OSBPL10: variants seen among roughly 807,000 people sequenced by gnomAD.
OSBPL10 encodes oxysterol binding protein like 10.
Under a neutral mutation model 81.7 loss-of-function variants are expected in OSBPL10, and 49 were observed. The ratio of observed to expected loss-of-function variants is 0.60; its 90% CI spans 0.48 to 0.76. The LOEUF is 0.76. Ranked by LOEUF, OSBPL10 falls within the 30% of genes least tolerant of loss-of-function variation. The pLI, the probability that OSBPL10 is intolerant of heterozygous loss-of-function variation, is 0.00. For synonymous variants in OSBPL10, 419 were observed against 383.6 expected, an observed-to-expected ratio of 1.09 and a Z score of -1.08; for missense variants, 923 against 987.8, an observed-to-expected ratio of 0.93 and a Z score of 0.88.
chr3:31,813,815 TG>T (rs1699769655), intron 4 of OSBPL10, among the ~76,000 whole-genome samples: 1 of 152,106 alleles, frequency 6.6e-6, no homozygotes, highest in Admixed American at 6.5e-5. Flanking sequence ...ATCTGTACAG[TG>T]GGGATGAAAT....
At chr3:31,793,947 A>T (rs1699107151) in intron 4 of OSBPL10, among the ~76,000 whole-genome samples, 1 of 152,224 alleles carries the variant, frequency 6.6e-6, no homozygotes, top group African/African-American at 2.4e-5. Context: ...ATTAGGCTTT[A>T]GAAGTAATCT....
At chr3:32,026,027 G>GATAA (rs1559551392) in intron 2 of OSBPL10, among the ~76,000 whole-genome samples, 7 of 122,416 alleles carry the variant, frequency 5.7e-5, no homozygotes, top group African/African-American at 2.3e-4. Flanking sequence ...TAGATAGATA[G>GATAA]ATAGATAGAT....
chr3:31,968,511 G>GAA (rs10712976), intron 1 of OSBPL10, among the ~76,000 whole-genome samples: 7 of 130,560 alleles, frequency 5.4e-5, no homozygotes, highest in Admixed American at 7.7e-5. Context: ...TTTTGAAGGG[G>GAA]AAAAAAAAAA....
chr3:31,983,295 C>T (rs994131251), upstream of OSBPL10, among the ~76,000 whole-genome samples: 2 of 152,152 alleles, frequency 1.3e-5, no homozygotes, highest in Non-Finnish European at 2.9e-5. Flanking sequence ...AAACAACATG[C>T]CTTTTATTGG....
intron 1 of OSBPL10, among the ~76,000 whole-genome samples, chr3:32,048,310 A>ATTTTTTTTTTT (rs71068027): frequency 1.5e-5 from 2 of 134,584 alleles, no homozygotes; most frequent in African/African-American, 5.6e-5. Context: ...CACTACTACT[A>ATTTTTTTTTTT]TTTTTTTTTT....
chr3:32,058,937 C>T (rs1461484838), intron 1 of OSBPL10, among the ~76,000 whole-genome samples: 2 of 152,206 alleles, frequency 1.3e-5, no homozygotes, highest in East Asian at 1.9e-4. Flanking sequence ...GATCCTCCTG[C>T]CTCAGCCTCC....
chr3:31,664,734 T>C (rs1446283804), intron 10 of OSBPL10: 1 of 172,902 alleles, frequency 5.8e-6, no homozygotes, highest in African/African-American at 2.4e-5. Flanking sequence ...AGACCTGCTT[T>C]CCCACAAGGG....
At chr3:31,747,863 A>T in intron 5 of OSBPL10, 47 bp downstream of exon 5, 1 of 1,550,520 alleles carries the variant, frequency 6.4e-7, no homozygotes, top group Non-Finnish European at 8.9e-7. Flanking sequence ...ACACAGACAC[A>T]GTGTGTGTAC....
Position 31,683,943 on chromosome 3 carries a change from C to T in OSBPL10, c.1417G>A (p.Ala473Thr), listed in dbSNP as rs138075476. Residue 473 changes from alanine to threonine, a missense_variant, in exon 8 of 12, where the codon GCT becomes ACT. Ala to Thr is a moderately conservative substitution (Grantham distance 58, BLOSUM62 0). Around this residue, in one of 3 missense-constraint regions of OSBPL10, gnomAD observed 387 missense variants for 436.3 expected, o/e 0.89. Transcript: ENST00000396556. ...LTAFHEGRKG[A>T]LAKKPYNPII... is the part of the protein sequence containing the mutation. ...GGGTTGTAGGGCTTCTTGGCTAAAG[C>T]GCCCTTGCGGCCCTCGTGAAAGGCT... 1.4e-4 allele frequency: 221 copies of T among 1,614,230 alleles called. No homozygotes were observed. Among genetic ancestry groups the T allele is most frequent in the African/African-American group, 1.0e-3 (78 of 75,062 alleles).
At chr3:32,044,761 A>T (rs1195933202) in intron 2 of OSBPL10, among the ~76,000 whole-genome samples, 2 of 151,578 alleles carry the variant, frequency 1.3e-5, no homozygotes, top group Non-Finnish European at 2.9e-5. Flanking sequence ...AAAAAAAAAA[A>T]AAAGATTCTG....
chr3:31,809,863 CT>C (rs1240617600), intron 4 of OSBPL10, among the ~76,000 whole-genome samples: 1 of 125,576 alleles, frequency 8.0e-6, no homozygotes, highest in African/African-American at 4.3e-5. Context: ...TGGGTGCCCC[CT>C]GACTCTTTTT....
At chr3:31,725,124 T>G (rs568810815) in intron 6 of OSBPL10, among the ~76,000 whole-genome samples, 4 of 152,326 alleles carry the variant, frequency 2.6e-5, no homozygotes, top group African/African-American at 9.6e-5. Context: ...GCTAATAAAC[T>G]GGGTTATGAA....
intron 1 of OSBPL10, among the ~76,000 whole-genome samples, chr3:32,068,023 G>A (rs183563903): frequency 2.6e-5 from 4 of 152,184 alleles, no homozygotes; most frequent in East Asian, 1.9e-4. Flanking sequence ...TACAACCTCC[G>A]GTCCTCAGAC....
chr3:31,720,881 CA>C (rs61492992), intron 6 of OSBPL10, among the ~76,000 whole-genome samples: 19,597 of 66,678 alleles, frequency 0.29, 717 homozygotes, highest in East Asian at 0.48. Flanking sequence ...GACTCTGTCT[CA>C]AAAAAAAAAA....
intron 3 of OSBPL10, among the ~76,000 whole-genome samples, chr3:31,867,185 TC>T (rs1250188769): frequency 1.3e-5 from 2 of 152,028 alleles, no homozygotes; most frequent in Non-Finnish European, 2.9e-5. Context: ...GAGCACAGGG[TC>T]AAGTGGAGGA....
At chr3:31,966,015 C>T (rs1011987669) in intron 1 of OSBPL10, among the ~76,000 whole-genome samples, 4 of 126,830 alleles carry the variant, frequency 3.2e-5, no homozygotes, top group African/African-American at 1.2e-4. Context: ...TATATATAGG[C>T]CAGGCTCAGT....
At chr3:31,786,138 T>C (rs529696419) in intron 4 of OSBPL10, among the ~76,000 whole-genome samples, 1 of 152,298 alleles carries the variant, frequency 6.6e-6, no homozygotes, top group South Asian at 2.1e-4. Flanking sequence ...TTTTCCTTTT[T>C]TCCACTGGGT....
intron 5 of OSBPL10, among the ~76,000 whole-genome samples, chr3:31,746,449 C>T (rs1200233830): frequency 2.6e-5 from 4 of 151,962 alleles, no homozygotes; most frequent in South Asian, 4.2e-4. Flanking sequence ...GAGGCTGAGG[C>T]GGGAGGATCA....
chr3:31,731,725 G>A (rs552920784), intron 6 of OSBPL10, among the ~76,000 whole-genome samples: 1 of 152,166 alleles, frequency 6.6e-6, no homozygotes, highest in Non-Finnish European at 1.5e-5. Flanking sequence ...CTGACCTCGT[G>A]ATCCGTCTGC....
Sources: allele counts gnomAD v4.1 joint callset (sites outside exome capture counted in the v4.1 genomes callset), GRCh38; gene constraint gnomAD v4.1.1; regional missense constraint gnomAD v4.1.1; transcripts MANE v1.5; gene names NCBI Gene and HGNC (gene_info 2026-07-23, HGNC 2026-07-21).